The following SULF1 variants were observed in gnomAD, a reference collection of about 807,000 sequenced individuals.
SULF1 encodes extracellular sulfatase Sulf-1.
A neutral mutation model predicts 110.5 loss-of-function variants in SULF1; 46 were observed. That is an observed-to-expected ratio of 0.42 (90% CI 0.33 to 0.53). The LOEUF is 0.53. Ranked by LOEUF, SULF1 falls within the 20% of genes least tolerant of loss-of-function variation. The probability of loss-of-function intolerance (pLI) is 0.12; values close to 1 mark genes in which losing one functional copy is unlikely to be tolerated. For missense variants in SULF1, 941 were observed against 1,094.2 expected (o/e 0.86, Z 1.98); for synonymous variants, 371 against 387.1 (o/e 0.96, Z 0.49).
chr8:69,521,470 T>A (rs1812291611), intron 3 of SULF1, among the ~76,000 whole-genome samples: 1 of 152,066 alleles, frequency 6.6e-6, no homozygotes. Flanking sequence ...GGTGGTAAGA[T>A]TTGAACAAAG....
upstream of SULF1, among the ~76,000 whole-genome samples, chr8:69,488,018 A>T (rs1809774566): frequency 6.6e-6 from 1 of 152,230 alleles, no homozygotes. Context: ...ACTATTTAAT[A>T]TTTGGAAATG....
chr8:69,545,005 T>C (rs1329414625), intron 3 of SULF1, among the ~76,000 whole-genome samples: 2 of 152,070 alleles, frequency 1.3e-5, no homozygotes, highest in Admixed American at 6.6e-5. Flanking sequence ...TGTTGTTGTT[T>C]TTTAAAGAAG....
At position 69,603,198 on chromosome 8, in the gene SULF1, A is replaced by G. The variant is rs1201605606; in HGVS notation, c.1068A>G (p.Pro356=). 1.2e-6 allele frequency: 2 copies of G among 1,614,138 alleles called. No homozygotes were observed. The highest frequency in any genetic ancestry group is 1.7e-6 in the Non-Finnish European group (2 of 1,180,020). The stretch of plus-strand genomic sequence containing the variant: ...ACCGTGTGCCCCTTTACAGAGTCCC[A>G]CAGATCGTTCTCAACATTGACTTGG... ...GPSVEPGSIV[P]QIVLNIDLAP... The change falls in exon 11 of 23, where the codon CCA becomes CCG. Residue 356 remains proline, a synonymous_variant. Transcript: ENST00000402687.
At chr8:69,542,961 G>A (rs1027726369) in intron 3 of SULF1, among the ~76,000 whole-genome samples, 21 of 152,094 alleles carry the variant, frequency 1.4e-4, no homozygotes, top group Admixed American at 3.3e-4. Flanking sequence ...AAATGGCCCC[G>A]CTTGTGAGAC....
rs191266082 is a variant in SULF1, at chr8:69,644,064, C to T, written c.2585+3223C>T. Reference sequence around the variant, plus strand: ...GGCAGGGCTGCTTCCTGATCCTTTGCTTCAAGCCTTCTGGGCTGTTAGACC... The same window carrying T: ...GGCAGGGCTGCTTCCTGATCCTTTGTTTCAAGCCTTCTGGGCTGTTAGACC... On this transcript the variant is annotated intron_variant, in intron 22 of 22. Transcript: ENST00000402687. Among the ~76,000 whole-genome samples the T allele has an allele frequency of 4.6e-5, 7 of 152,318 alleles. No homozygotes were observed. The East Asian group carries it at 1.4e-3, about 29-fold the overall frequency.
chr8:69,567,551 T>G (rs751789618), intron 5 of SULF1, among the ~76,000 whole-genome samples: 1 of 152,234 alleles, frequency 6.6e-6, no homozygotes, highest in African/African-American at 2.4e-5. Flanking sequence ...TGGATTTGAC[T>G]ACTCTAGGTA....
intron 6 of SULF1, chr8:69,584,308 A>T (rs115189104): frequency 6.5e-6 from 1 of 152,784 alleles, no homozygotes; most frequent in African/African-American, 2.4e-5. Context: ...ACCTGATAGG[A>T]GGTGGCAACT....
chr8:69,600,809 A>G, intron 9 of SULF1, 56 bp downstream of exon 9: 1 of 1,557,330 alleles, frequency 6.4e-7, no homozygotes, highest in Non-Finnish European at 8.7e-7. Context: ...CTTTGTGTAG[A>G]CTTATTCTTG....
chr8:69,473,144 C>T (rs1809157212), intron 1 of SULF1: 1 of 151,988 alleles, frequency 6.6e-6, no homozygotes, highest in South Asian at 2.1e-4. Flanking sequence ...CGGCCCTAAG[C>T]CACTTTTAAT....
intron 13 of SULF1, among the ~76,000 whole-genome samples, chr8:69,613,264 AT>A (rs1808805783): frequency 6.8e-6 from 1 of 146,310 alleles, no homozygotes; most frequent in Non-Finnish European, 1.5e-5. Flanking sequence ...GGCTTGTAGT[AT>A]AATTAGAAGT....
At chr8:69,538,677 G>A (rs989006127) in intron 3 of SULF1, among the ~76,000 whole-genome samples, 5 of 151,130 alleles carry the variant, frequency 3.3e-5, no homozygotes, top group African/African-American at 1.2e-4. Context: ...GCAAAGTTTA[G>A]CTTATTTTCT....
At chr8:69,561,984 C>T (rs1056704099) in intron 3 of SULF1, among the ~76,000 whole-genome samples, 2 of 152,168 alleles carry the variant, frequency 1.3e-5, no homozygotes, top group South Asian at 2.1e-4. Flanking sequence ...AATCACCCTG[C>T]GTTATTAAGA....
At chr8:69,484,766 C>T (rs1480158473) in intron 1 of SULF1, among the ~76,000 whole-genome samples, 3 of 152,068 alleles carry the variant, frequency 2.0e-5, no homozygotes, top group African/African-American at 4.8e-5. Flanking sequence ...CAAGCAAGGA[C>T]CATGGTCTCA....
intron 6 of SULF1, among the ~76,000 whole-genome samples, chr8:69,578,241 A>G (rs1364490453): frequency 1.3e-5 from 2 of 152,238 alleles, no homozygotes; most frequent in Non-Finnish European, 2.9e-5. Flanking sequence ...ACTAAAACTC[A>G]AAGATGATTT....
At position 69,601,775 on chromosome 8, in the gene SULF1, T is replaced by G; in HGVS notation, c.1007T>G (p.Phe336Cys). 6.2e-7 allele frequency: 1 copy of G among 1,612,344 alleles called. No homozygotes were observed. Among genetic ancestry groups the G allele is most frequent in the Non-Finnish European group, 8.5e-7 (1 of 1,179,386 alleles). The part of the protein sequence containing the change: ...LVKGKSMPYD[F>C]DIRVPFFIRG... The stretch of plus-strand genomic sequence containing the variant: ...AAGGGGAAATCCATGCCATATGACT[T>G]TGATATTCGTGTGCCTTTTTTTATT... Residue 336 changes from phenylalanine (F) to cysteine (C), a missense_variant, in exon 10 of 23, where the codon TTT becomes TGT. By Grantham distance (205) the Phe-to-Cys change is radical. This residue lies in a region of SULF1 where 822 missense variants were observed against 934.3 expected (regional missense o/e 0.88). Transcript: ENST00000402687.
At chr8:69,547,375 A>C (rs1049379410) in intron 3 of SULF1, among the ~76,000 whole-genome samples, 2 of 152,222 alleles carry the variant, frequency 1.3e-5, no homozygotes, top group Non-Finnish European at 2.9e-5. Context: ...GAAACCACCT[A>C]AGCATAGGAA....
chr8:69,593,158 T>C (rs573717624), intron 8 of SULF1, among the ~76,000 whole-genome samples: 1 of 152,332 alleles, frequency 6.6e-6, no homozygotes, highest in East Asian at 1.9e-4. Flanking sequence ...AAGGTCTCCC[T>C]GGCTGCTGCT....
At chr8:69,640,927 C>T (rs773377537) in intron 22 of SULF1, 86 bp downstream of exon 22, 46 of 1,348,284 alleles carry the variant, frequency 3.4e-5, no homozygotes, top group Admixed American at 6.3e-5. Context: ...TGTTTCTTAC[C>T]GTGTTGCACA....
At position 69,576,224 on chromosome 8, in the gene SULF1, T is replaced by G; in HGVS notation, c.412+15T>G. ...CTACAGAACAGGTAAGGGATGACGT[T>G]TCTAGCCCATGAACGTCTTGTAATA... is the stretch of plus-strand genomic sequence containing the variant. On this transcript the variant is annotated intron_variant, in intron 6 of 22. Coordinates refer to ENST00000402687, the MANE Select transcript of SULF1 (RefSeq NM_001128205.2). 6.2e-7 allele frequency: 1 copy of G among 1,610,520 alleles called. No homozygotes were observed. Among genetic ancestry groups the G allele is most frequent in the Non-Finnish European group, 8.5e-7 (1 of 1,177,670 alleles).
Sources: gnomAD v4.1 joint callset for allele counts (sites outside exome capture counted in the v4.1 genomes callset) on GRCh38, gnomAD v4.1.1 for gene constraint, gnomAD v4.1.1 regional missense constraint, MANE v1.5 for transcripts, NCBI Gene and HGNC (gene_info 2026-07-23, HGNC 2026-07-21) for gene names.